NREP: variants seen among roughly 807,000 people sequenced by gnomAD.
NREP encodes neuronal regeneration related protein.
Under a neutral mutation model 8.6 loss-of-function variants are expected in NREP, and 5 were observed. The ratio of observed to expected loss-of-function variants is 0.58; its 90% CI spans 0.30 to 1.22. The LOEUF is 1.22. Among genes scored for constraint, NREP ranks in the 50% most tolerant of loss-of-function variants. The probability of loss-of-function intolerance (pLI) is 0.07; values close to 1 mark genes in which losing one functional copy is unlikely to be tolerated. For missense variants in NREP, 86 were observed against 82.5 expected, an observed-to-expected ratio of 1.04 and a Z score of -0.17; for synonymous variants, 27 against 28.0, an observed-to-expected ratio of 0.96 and a Z score of 0.11.
intron 2 of NREP, among the ~76,000 whole-genome samples, chr5:111,784,409 C>T (rs951249322): frequency 6.6e-6 from 1 of 152,088 alleles, no homozygotes; most frequent in Non-Finnish European, 1.5e-5. Flanking sequence ...AGCTAGTTAT[C>T]TTTGCCTCAT....
chr5:111,819,840 T>C (rs1049895565), intron 2 of NREP, among the ~76,000 whole-genome samples: 1 of 152,232 alleles, frequency 6.6e-6, no homozygotes, highest in Admixed American at 6.5e-5. Context: ...CACTTAGGAA[T>C]ACTTGACAGT....
Position 111,750,606 on chromosome 5 carries a change from C to A in NREP, c.3+5164G>T, listed in dbSNP as rs550806002. Reference sequence around the variant, plus strand: ...TTTTCCACTATCCCCAATCCCCAGTCCTCACTAACATCACTCGTACCATTT... The same window carrying A: ...TTTTCCACTATCCCCAATCCCCAGTACTCACTAACATCACTCGTACCATTT... On this transcript the variant is annotated intron_variant, in intron 2 of 3. Coordinates refer to ENST00000257435, the MANE Select transcript of NREP (RefSeq NM_004772.4). Among the ~76,000 whole-genome samples, 3 of 152,304 alleles carry A rather than the reference C, an allele frequency of 2.0e-5. No homozygotes were observed. In the South Asian group the frequency reaches 6.2e-4, roughly 32 times the overall value.
At chr5:111,893,665 A>G (rs1754444084) in intron 2 of NREP, among the ~76,000 whole-genome samples, 1 of 150,774 alleles carries the variant, frequency 6.6e-6, no homozygotes, top group East Asian at 2.0e-4. Flanking sequence ...AACAAGTTAA[A>G]TTGGTTAAGG....
rs1452820542 is a variant in NREP, at chr5:111,968,833, TC to T, written c.135+6440del. 2.0e-5 allele frequency among the ~76,000 whole-genome samples: 3 copies of T among 152,172 alleles called. No individual in the cohort carries two copies. In the East Asian group the frequency reaches 5.8e-4, roughly 29 times the overall value. On this transcript the variant is annotated intron_variant, in intron 2 of 3. Coordinates refer to the NREP transcript ENST00000395634. ...TTGCTTCTCTGCTCAACTGCAGAAG[TC>T]CCCCTGTTGTCTACAAAACAAAGTC...
chr5:111,891,414 C>T (rs1754391513), intron 2 of NREP, among the ~76,000 whole-genome samples: 1 of 152,194 alleles, frequency 6.6e-6, no homozygotes, highest in African/African-American at 2.4e-5. Context: ...CCCTCATCTG[C>T]CTGTCTTCTT....
intron 2 of NREP, among the ~76,000 whole-genome samples, chr5:111,870,504 A>C (rs2112495306): frequency 6.6e-6 from 1 of 152,318 alleles, no homozygotes; most frequent in Admixed American, 6.5e-5. Flanking sequence ...AGCATGATTA[A>C]TTTTTAAAAA....
intron 2 of NREP, among the ~76,000 whole-genome samples, chr5:111,779,559 C>T (rs1201976232): frequency 2.0e-5 from 3 of 152,112 alleles, no homozygotes; most frequent in African/African-American, 7.2e-5. Context: ...GGAGGAGAGG[C>T]TTAGGTCAAA....
rs138507253 is a variant in NREP at position 111,824,872 on chromosome 5, T to A, written c.136-89365A>T. ...TATACATTGGTTACAATAAATAAAT[T>A]ATGTGAAGCAAAACAGGAGTAAGAC... On this transcript the variant is annotated intron_variant, in intron 2 of 3. Transcript: ENST00000395634. 2.1e-4 allele frequency among the ~76,000 whole-genome samples: 32 copies of A among 152,336 alleles called. No individual in the cohort carries two copies. The East Asian group carries it at 6.0e-3, about 28-fold the overall frequency.
chr5:111,881,714 C>G (rs896879526), intron 2 of NREP, among the ~76,000 whole-genome samples: 3 of 152,302 alleles, frequency 2.0e-5, no homozygotes, highest in East Asian at 1.9e-4. Context: ...GATACCCCGG[C>G]AAACAGGGTC....
chr5:111,816,993 AAT>A (rs1351401414), intron 2 of NREP, among the ~76,000 whole-genome samples: 2 of 152,130 alleles, frequency 1.3e-5, no homozygotes, highest in African/African-American at 4.8e-5. Flanking sequence ...AGGAATTTGG[AAT>A]ATATTCAACC....
chr5:111,923,468 A>C (rs953670752), intron 2 of NREP, among the ~76,000 whole-genome samples: 2 of 152,166 alleles, frequency 1.3e-5, no homozygotes, highest in East Asian at 3.9e-4. Context: ...AGTGAGAGCA[A>C]GTTTTTAGTT....
intron 2 of NREP, among the ~76,000 whole-genome samples, chr5:111,899,666 T>A (rs1754595538): frequency 1.3e-5 from 2 of 152,230 alleles, no homozygotes; most frequent in East Asian, 1.9e-4. Context: ...TTGATTTTTT[T>A]AAGACCTAAC....
chr5:111,954,708 T>C (rs1180335840), intron 2 of NREP, among the ~76,000 whole-genome samples: 2 of 152,046 alleles, frequency 1.3e-5, no homozygotes, highest in African/African-American at 2.4e-5. Flanking sequence ...ATATGTAAAA[T>C]AGAGAGTGAC....
At chr5:111,886,777 C>A (rs986226779) in intron 2 of NREP, among the ~76,000 whole-genome samples, 6 of 150,948 alleles carry the variant, frequency 4.0e-5, no homozygotes, top group South Asian at 2.1e-4. Context: ...AACAATGAGA[C>A]CACATGGACA....
At position 111,753,067 on chromosome 5, in the gene NREP, A is replaced by C. The variant is rs149435982; in HGVS notation, c.3+2703T>G. 7.1e-3 allele frequency among the ~76,000 whole-genome samples: 1,074 copies of C among 152,026 alleles called. 19 individuals are homozygous for C. The highest frequency in any genetic ancestry group is 0.024 in the African/African-American group (978 of 41,500). ...AATATCCTACTAATTGCAAAAAAAA[A>C]CACAAAACTGTGGGGGTGGGAGAGG... On this transcript the variant is annotated intron_variant, in intron 2 of 3. Transcript: ENST00000257435.
chr5:111,968,974 G>A (rs930541740), intron 2 of NREP, among the ~76,000 whole-genome samples: 2 of 152,282 alleles, frequency 1.3e-5, no homozygotes, highest in South Asian at 2.1e-4. Flanking sequence ...TTTAGATAGA[G>A]TTAAAGAACT....
rs142526882 is a variant in NREP, at chr5:111,794,527, C to T, written c.136-59020G>A. ...AATTAGTTCTTCAACCATGAAAAGA[C>T]GCGAAGGAAACTTGCATGCATATTA... On this transcript the variant is annotated intron_variant, in intron 2 of 3. Transcript: ENST00000395634. Among the ~76,000 whole-genome samples the T allele has an allele frequency of 6.5e-4, 99 of 152,172 alleles. 1 individual carries two copies. In the East Asian group the frequency reaches 8.9e-3, roughly 14 times the overall value.
chr5:111,951,969 T>TTTTCCAAACCCTA, intron 2 of NREP, among the ~76,000 whole-genome samples: 1 of 152,096 alleles, frequency 6.6e-6, no homozygotes, highest in Non-Finnish European at 1.5e-5. Context: ...AGAGCTCCTC[T>TTTTCCAAACCCTA]TTTCCAAACC....
intron 2 of NREP, among the ~76,000 whole-genome samples, chr5:111,766,472 T>C (rs112227985): frequency 4.6e-5 from 7 of 152,354 alleles, no homozygotes; most frequent in Admixed American, 1.3e-4. Flanking sequence ...AGGCTTCTGC[T>C]ATTCATCAGA....
Sources: gnomAD v4.1 joint callset for allele counts (sites outside exome capture counted in the v4.1 genomes callset) on GRCh38, gnomAD v4.1.1 for gene constraint, MANE v1.5 for transcripts, NCBI Gene and HGNC (gene_info 2026-07-23, HGNC 2026-07-21) for gene names.